The following CELF2 variants were observed in gnomAD, a reference collection of about 807,000 sequenced individuals.
The protein encoded by CELF2 is CUGBP Elav-like family member 2.
In CELF2, 8 loss-of-function variants were observed where a neutral mutation model predicts 62.6. The ratio of observed to expected loss-of-function variants is 0.13; its 90% confidence interval spans 0.07 to 0.23. The LOEUF is 0.23. Ranked by LOEUF, CELF2 falls within the 10% of genes least tolerant of loss-of-function variation. The pLI is 1.00. For missense variants in CELF2, 333 were observed against 671.0 expected (o/e 0.50, Z 5.56); for synonymous variants, 258 against 250.0 (o/e 1.03, Z -0.30).
the CELF2 span, among the ~76,000 whole-genome samples, chr10:10,721,222 T>C: frequency 6.6e-6 from 1 of 152,234 alleles, no homozygotes; most frequent in Non-Finnish European, 1.5e-5. Context: ...AGCCAAATGC[T>C]GGGTTTGGGC....
chr10:10,636,395 T>C, the CELF2 span, among the ~76,000 whole-genome samples: 3 of 152,196 alleles, frequency 2.0e-5, no homozygotes, highest in Non-Finnish European at 2.9e-5. Context: ...CATTTTTCTC[T>C]CTACTTGTAA....
rs537113358 is a variant in CELF2, at chr10:11,260,909, C to A, written c.538+3037C>A. Among the ~76,000 whole-genome samples, 1 of 152,270 alleles carries A rather than the reference C, an allele frequency of 6.6e-6. No individual in the cohort carries two copies. Among genetic ancestry groups the A allele is most frequent in the African/African-American group, 2.4e-5 (1 of 41,542 alleles). ...CCATTTTGCTTTCATTAAAGAATTG[C>A]AGTTTTGAATCAAATATTAATGTGT... On this transcript the variant is annotated intron_variant, in intron 5 of 12. Coordinates refer to ENST00000633077, the MANE Select transcript of CELF2 (RefSeq NM_001326342.2). The surrounding 1 kb of genome is among the most constrained non-coding windows in gnomAD (Gnocchi z 4.2).
At chr10:10,668,767 A>G in the CELF2 span, among the ~76,000 whole-genome samples, 10 of 152,158 alleles carry the variant, frequency 6.6e-5, no homozygotes, top group East Asian at 1.9e-3. Context: ...AGACCAGCCT[A>G]GCCAACATGA....
intron 1 of CELF2, among the ~76,000 whole-genome samples, chr10:11,123,425 A>G (rs1363457355): frequency 6.6e-6 from 1 of 151,844 alleles, no homozygotes; most frequent in Non-Finnish European, 1.5e-5. Context: ...TAATTATTTT[A>G]TTTTTTGTAG....
chr10:10,826,030 G>C (rs1383456623), intron 1 of CELF2, among the ~76,000 whole-genome samples: 1 of 152,154 alleles, frequency 6.6e-6, no homozygotes, highest in African/African-American at 2.4e-5. Flanking sequence ...GCAGGACTAG[G>C]AATAGAGTCA....
intron 1 of CELF2, among the ~76,000 whole-genome samples, chr10:11,133,537 T>C (rs574171345): frequency 1.3e-5 from 2 of 152,248 alleles, no homozygotes; most frequent in African/African-American, 2.4e-5. Context: ...GTATACAAGA[T>C]AGGGAATGTG....
At position 11,214,298 on chromosome 10, in the gene CELF2, T is replaced by G. The variant is rs1175782567; in HGVS notation, c.272-3127T>G. Among the ~76,000 whole-genome samples, 1 of 152,196 alleles carries G rather than the reference T, an allele frequency of 6.6e-6. No homozygotes were observed. The highest frequency in any genetic ancestry group is 1.5e-5 in the Non-Finnish European group (1 of 68,038). On this transcript the variant is annotated intron_variant, in intron 2 of 12. Coordinates refer to ENST00000633077, the MANE Select transcript of CELF2 (RefSeq NM_001326342.2). The surrounding 1 kb of genome is among the most constrained non-coding windows in gnomAD (Gnocchi z 4.2). ...TCCTGTCTCAAAAATAAATAAATTT[T>G]TTAATGATGAAACTAACTAAGGTAC...
At chr10:11,069,492 C>G (rs1042460037) in intron 1 of CELF2, among the ~76,000 whole-genome samples, 5 of 152,194 alleles carry the variant, frequency 3.3e-5, no homozygotes, top group African/African-American at 1.2e-4. Context: ...TCCAGTTAGT[C>G]ATTCAGTAGG....
the CELF2 span, among the ~76,000 whole-genome samples, chr10:10,634,496 A>G: frequency 6.6e-6 from 1 of 152,060 alleles, no homozygotes; most frequent in Non-Finnish European, 1.5e-5. Context: ...CCTTTATCTA[A>G]ATTAGCTTAT....
the CELF2 span, among the ~76,000 whole-genome samples, chr10:10,488,196 A>G: frequency 6.6e-6 from 1 of 152,140 alleles, no homozygotes; most frequent in East Asian, 1.9e-4. Flanking sequence ...TGCCTTTTCA[A>G]TGCAATCTAA....
At chr10:10,731,452 A>G in the CELF2 span, among the ~76,000 whole-genome samples, 1 of 152,350 alleles carries the variant, frequency 6.6e-6, no homozygotes, top group South Asian at 2.1e-4. Flanking sequence ...ACAAAAAGAA[A>G]TGACAATTGT....
At chr10:10,521,076 G>A in the CELF2 span, among the ~76,000 whole-genome samples, 1 of 152,194 alleles carries the variant, frequency 6.6e-6, no homozygotes, top group Admixed American at 6.5e-5. Flanking sequence ...TCTGAGACAA[G>A]CAGGGTCAGC....
At chr10:10,883,437 T>C (rs2061558203) in intron 1 of CELF2, among the ~76,000 whole-genome samples, 1 of 152,344 alleles carries the variant, frequency 6.6e-6, no homozygotes, top group South Asian at 2.1e-4. Context: ...TGCAATCCAA[T>C]GGCAGCTCTA....
rs929408188 is a variant in CELF2, at chr10:11,242,759, G to C, written c.355-6394G>C. ...CACAGGCCAGCCAGGGTGAGGACCA[G>C]GGTGGACCACTCAGCTCTGGGACCC... On this transcript the variant is annotated intron_variant, in intron 3 of 12. Coordinates refer to ENST00000633077, the MANE Select transcript of CELF2 (RefSeq NM_001326342.2). This position sits in a 1 kb window ranked among gnomAD's most constrained non-coding sequence, Gnocchi z 4.8. Among the ~76,000 whole-genome samples the C allele has an allele frequency of 1.3e-5, 2 of 152,218 alleles. No homozygotes were observed. The highest frequency in any genetic ancestry group is 4.8e-5 in the African/African-American group (2 of 41,456).
At chr10:11,238,770 G>T (rs1355414443) in intron 3 of CELF2, among the ~76,000 whole-genome samples, 1 of 152,042 alleles carries the variant, frequency 6.6e-6, no homozygotes, top group Non-Finnish European at 1.5e-5. Context: ...CCATTTTTTT[G>T]AGTAGCAGTG....
At chr10:10,935,699 C>T (rs1470984098) in intron 2 of CELF2, among the ~76,000 whole-genome samples, 1 of 152,038 alleles carries the variant, frequency 6.6e-6, no homozygotes, top group Non-Finnish European at 1.5e-5. Flanking sequence ...GGAATTAATC[C>T]CTGAAAAGCA....
At chr10:10,971,124 G>A (rs917098761) in intron 2 of CELF2, among the ~76,000 whole-genome samples, 20 of 152,042 alleles carry the variant, frequency 1.3e-4, no homozygotes, top group African/African-American at 3.4e-4. Context: ...AGTGGCTTTC[G>A]TTCCCTGCCT....
chr10:10,816,681 A>T (rs1006364338), intron 1 of CELF2, among the ~76,000 whole-genome samples: 1 of 152,234 alleles, frequency 6.6e-6, no homozygotes, highest in African/African-American at 2.4e-5. Flanking sequence ...TTGGATAAAC[A>T]AACTTAGTAT....
At chr10:11,189,199 C>G (rs1385016019) in intron 2 of CELF2, among the ~76,000 whole-genome samples, 2 of 152,140 alleles carry the variant, frequency 1.3e-5, no homozygotes, top group Non-Finnish European at 2.9e-5. Context: ...TTGGAGGGCT[C>G]TTTGTCTGGT....
Sources: gnomAD v4.1 joint callset for allele counts (sites outside exome capture counted in the v4.1 genomes callset) on GRCh38, gnomAD v4.1.1 for gene constraint, Gnocchi (gnomAD v3.1) non-coding constraint, MANE v1.5 for transcripts, NCBI Gene and HGNC (gene_info 2026-07-23, HGNC 2026-07-21) for gene names.